The following LHFPL6 variants were observed in gnomAD, a reference collection of about 807,000 sequenced individuals.
LHFPL6 encodes the protein LHFPL tetraspan subfamily member 6.
Under a neutral mutation model 20.6 loss-of-function variants are expected in LHFPL6, and 9 were observed. The ratio of observed to expected loss-of-function variants is 0.44; its 90% CI spans 0.26 to 0.76. The LOEUF is 0.76. Ranked by LOEUF, LHFPL6 falls within the 30% of genes least tolerant of loss-of-function variation. LHFPL6 has a pLI of 0.20. For missense variants in LHFPL6, 218 were observed against 253.5 expected, an observed-to-expected ratio of 0.86 and a Z score of 0.95; for synonymous variants, 105 against 98.7, an observed-to-expected ratio of 1.06 and a Z score of -0.38.
intron 2 of LHFPL6, among the ~76,000 whole-genome samples, 174 bp from the exon 3 acceptor site, chr13:39,378,700 A>G (rs560789182): frequency 6.6e-6 from 1 of 152,336 alleles, no homozygotes; most frequent in South Asian, 2.1e-4. Flanking sequence ...AACAATTTCA[A>G]GTCAGCTTAA....
chr13:39,569,498 T>C (rs9532402), intron 2 of LHFPL6, among the ~76,000 whole-genome samples: 73,281 of 151,482 alleles, frequency 0.48, 18,306 homozygotes, highest in South Asian at 0.57. Context: ...TTGCAAATGG[T>C]ATTATTAACC....
At chr13:39,436,536 T>C (rs563314634) in intron 2 of LHFPL6, among the ~76,000 whole-genome samples, 5 of 152,222 alleles carry the variant, frequency 3.3e-5, no homozygotes, top group Non-Finnish European at 7.3e-5. Flanking sequence ...TGGCAATTCT[T>C]GAGATACATA....
chr13:39,424,436 T>C (rs865901937), intron 2 of LHFPL6, among the ~76,000 whole-genome samples: 1 of 152,158 alleles, frequency 6.6e-6, no homozygotes, highest in Admixed American at 6.5e-5. Flanking sequence ...TGAATAAAGC[T>C]GTCAGCAACT....
chr13:39,426,082 T>C (rs1428024166), intron 2 of LHFPL6, among the ~76,000 whole-genome samples: 1 of 152,226 alleles, frequency 6.6e-6, no homozygotes, highest in East Asian at 1.9e-4. Flanking sequence ...TTTGCAATAT[T>C]ACGTGACCAT....
chr13:39,466,551 A>G (rs953090670), intron 2 of LHFPL6, among the ~76,000 whole-genome samples: 4 of 152,228 alleles, frequency 2.6e-5, no homozygotes, highest in African/African-American at 9.6e-5. Context: ...GAAAGATCCA[A>G]TTAGTAGTTT....
chr13:39,544,137 T>C (rs1870898874), intron 2 of LHFPL6, among the ~76,000 whole-genome samples: 1 of 152,090 alleles, frequency 6.6e-6, no homozygotes, highest in Non-Finnish European at 1.5e-5. Context: ...GTCTAAAAAC[T>C]TAAAGAATGG....
At chr13:39,581,427 A>T (rs1872278684) in intron 2 of LHFPL6, among the ~76,000 whole-genome samples, 1 of 152,054 alleles carries the variant, frequency 6.6e-6, no homozygotes, top group Admixed American at 6.6e-5. Flanking sequence ...AATGTTTCCT[A>T]CCAGGAGGCT....
intron 2 of LHFPL6, among the ~76,000 whole-genome samples, chr13:39,596,898 G>A (rs534368377): frequency 1.8e-4 from 27 of 152,270 alleles, no homozygotes; most frequent in African/African-American, 6.0e-4. Flanking sequence ...TAAAGCAAGG[G>A]AACAAGAGTC....
chr13:39,408,161 T>C (rs899945110), intron 2 of LHFPL6, among the ~76,000 whole-genome samples: 2 of 152,218 alleles, frequency 1.3e-5, no homozygotes, highest in Non-Finnish European at 2.9e-5. Flanking sequence ...CAAAAACTAT[T>C]GAATAAGTTA....
At chr13:39,463,470 CAA>C (rs1422265924) in intron 2 of LHFPL6, among the ~76,000 whole-genome samples, 1 of 152,114 alleles carries the variant, frequency 6.6e-6, no homozygotes. Flanking sequence ...TTCAGCATAA[CAA>C]AAGAATATCC....
intron 2 of LHFPL6, among the ~76,000 whole-genome samples, chr13:39,584,329 G>T (rs765975218): frequency 1.3e-5 from 2 of 151,832 alleles, no homozygotes; most frequent in Non-Finnish European, 2.9e-5. Flanking sequence ...ATCACCTGAG[G>T]TGGCCTGATG....
intron 2 of LHFPL6, among the ~76,000 whole-genome samples, chr13:39,534,400 C>T (rs373029190): frequency 6.6e-6 from 1 of 152,106 alleles, no homozygotes; most frequent in African/African-American, 2.4e-5. Context: ...TTAAGCATCC[C>T]ATATATGATT....
At chr13:39,541,593 C>T (rs1870800282) in intron 2 of LHFPL6, among the ~76,000 whole-genome samples, 1 of 152,166 alleles carries the variant, frequency 6.6e-6, no homozygotes, top group African/African-American at 2.4e-5. Context: ...ACTAATTACT[C>T]CAGCTCATGA....
At chr13:39,524,752 A>T (rs1200226840) in intron 2 of LHFPL6, among the ~76,000 whole-genome samples, 4 of 152,228 alleles carry the variant, frequency 2.6e-5, no homozygotes, top group Non-Finnish European at 4.4e-5. Context: ...TCCTGCTATT[A>T]CAGAATTTAC....
At chr13:39,476,733 G>C (rs1787257563) in intron 2 of LHFPL6, among the ~76,000 whole-genome samples, 1 of 152,114 alleles carries the variant, frequency 6.6e-6, no homozygotes, top group Non-Finnish European at 1.5e-5. Flanking sequence ...TTTACCAAGG[G>C]ACACCAACAA....
chr13:39,460,750 G>C (rs1872669488), intron 2 of LHFPL6, among the ~76,000 whole-genome samples: 1 of 152,138 alleles, frequency 6.6e-6, no homozygotes, highest in African/African-American at 2.4e-5. Flanking sequence ...AATATTAATA[G>C]GGAGAAAAGA....
chr13:39,378,020 C>T (rs1266654087), intron 3 of LHFPL6, among the ~76,000 whole-genome samples: 1 of 152,168 alleles, frequency 6.6e-6, no homozygotes, highest in Non-Finnish European at 1.5e-5. Context: ...CTTATTAGAC[C>T]AACGATGTGA....
chr13:39,374,433 C>T (rs1870237399), intron 3 of LHFPL6, among the ~76,000 whole-genome samples: 1 of 152,016 alleles, frequency 6.6e-6, no homozygotes, highest in African/African-American at 2.4e-5. Context: ...GGGCATTATG[C>T]TCATTAGCTG....
intron 2 of LHFPL6, among the ~76,000 whole-genome samples, chr13:39,542,097 A>ATAG (rs1555267294): frequency 6.0e-5 from 1 of 16,672 alleles, no homozygotes; most frequent in African/African-American, 3.3e-4. Context: ...TCTCAAAAAT[A>ATAG]TAATAATAAT....
Sources: allele counts gnomAD v4.1 joint callset (sites outside exome capture counted in the v4.1 genomes callset), GRCh38; gene constraint gnomAD v4.1.1; transcripts MANE v1.5; gene names NCBI Gene and HGNC (gene_info 2026-07-23, HGNC 2026-07-21).